Variants in PRLR observed in about 807,000 individuals in gnomAD.
The protein encoded by PRLR is prolactin receptor, also known as hPRL receptor.
A neutral mutation model predicts 40.2 loss-of-function variants in PRLR; 13 were observed. The observed-to-expected ratio is 0.32, with a 90% CI of 0.21 to 0.51. PRLR has a LOEUF of 0.51. PRLR is among the 20% of genes least tolerant of loss of function. The probability of loss-of-function intolerance (pLI) is 0.97; values close to 1 mark genes in which losing one functional copy is unlikely to be tolerated. For missense variants in PRLR, 656 were observed against 747.3 expected, an observed-to-expected ratio of 0.88 and a Z score of 1.42; for synonymous variants, 269 against 278.7, an observed-to-expected ratio of 0.97 and a Z score of 0.35.
At position 35,058,334 on chromosome 5, in the gene PRLR, G is replaced by C. The variant is rs996781320; in HGVS notation, c.*6755C>G. 1.3e-5 allele frequency: 2 copies of C among 152,162 alleles called. No homozygotes were observed. The highest frequency in any genetic ancestry group is 4.8e-5 in the African/African-American group (2 of 41,452). 9.4% of individuals were successfully genotyped at this position (152,162 alleles called of 1,614,324 possible). On this transcript the variant is annotated 3_prime_UTR_variant, in exon 10 of 10. Coordinates refer to ENST00000618457, the MANE Select transcript of PRLR (RefSeq NM_000949.7). ...TACAGAAGACACAGTCACCCAACAG[G>C]CTGGTTCTAGATTGCTTTGGTTTCC...
At chr5:35,077,110 A>G (rs1418274820) in intron 5 of PRLR, among the ~76,000 whole-genome samples, 1 of 152,240 alleles carries the variant, frequency 6.6e-6, no homozygotes. Context: ...TGCAAAGACC[A>G]TCAATGCTAG....
intron 4 of PRLR, 113 bp from the exon 5 acceptor site, chr5:35,084,752 A>AC: frequency 1.0e-6 from 1 of 979,296 alleles, no homozygotes; most frequent in East Asian, 2.9e-5. Context: ...CAAGCGCAAA[A>AC]CCCAGAGCTG....
At chr5:35,226,112 G>A (rs1579822012) in intron 1 of PRLR, among the ~76,000 whole-genome samples, 1 of 152,212 alleles carries the variant, frequency 6.6e-6, no homozygotes, top group African/African-American at 2.4e-5. Context: ...AGTGGCTACT[G>A]TATTGGACAG....
At chr5:35,123,457 T>C (rs1773357699) in intron 1 of PRLR, among the ~76,000 whole-genome samples, 1 of 152,218 alleles carries the variant, frequency 6.6e-6, no homozygotes, top group African/African-American at 2.4e-5. Context: ...TGAGTCCTAG[T>C]TATTCATGTA....
At chr5:35,214,487 T>A (rs975578224) in intron 1 of PRLR, among the ~76,000 whole-genome samples, 1 of 152,090 alleles carries the variant, frequency 6.6e-6, no homozygotes, top group African/African-American at 2.4e-5. Flanking sequence ...AGATGAGAAG[T>A]TTCTCAACCA....
chr5:35,116,737 G>A (rs183314813), intron 2 of PRLR, among the ~76,000 whole-genome samples: 3 of 152,308 alleles, frequency 2.0e-5, no homozygotes, highest in African/African-American at 7.2e-5. Flanking sequence ...CTCCTGGGCA[G>A]GGCTATTATG....
rs780563899 is a variant in PRLR at position 35,070,146 on chromosome 5, C to G, written c.663G>C (p.Ala221=). ...DHGYWSAWSP[A]TFIQIPSDFT... ...CACCACTAGGTATCTGAATGAAGGT[C>G]GCTGGACTCCATGCACTCCAGTATC... Residue 221 remains alanine, a synonymous_variant, in exon 7 of 10, where the codon GCG becomes GCC. Transcript: ENST00000618457. The G allele has an allele frequency of 2.5e-6, 4 of 1,613,120 alleles. No homozygotes were observed. The highest frequency in any genetic ancestry group is 3.4e-6 in the Non-Finnish European group (4 of 1,179,872).
chr5:35,110,023 A>G (rs1028686902), intron 2 of PRLR, among the ~76,000 whole-genome samples: 3 of 152,198 alleles, frequency 2.0e-5, no homozygotes, highest in Non-Finnish European at 2.9e-5. Flanking sequence ...TACACCATGG[A>G]ATACTATGCA....
intron 5 of PRLR, among the ~76,000 whole-genome samples, chr5:35,080,073 A>G (rs1770400491): frequency 6.6e-6 from 1 of 152,200 alleles, no homozygotes; most frequent in Admixed American, 6.5e-5. Flanking sequence ...TAGACCTAAA[A>G]CCATAAAAAA....
chr5:35,135,601 AG>A (rs1773831835), intron 1 of PRLR: 1 of 152,308 alleles, frequency 6.6e-6, no homozygotes, highest in South Asian at 2.1e-4. Context: ...TAGGCTTCTG[AG>A]GGTCTACATG....
chr5:35,146,821 G>A (rs1774194159), intron 1 of PRLR, among the ~76,000 whole-genome samples: 1 of 151,662 alleles, frequency 6.6e-6, no homozygotes, highest in Non-Finnish European at 1.5e-5. Context: ...CTCTTATTTA[G>A]CCCTCTAAAC....
At chr5:35,166,592 T>C (rs956375993) in intron 1 of PRLR, among the ~76,000 whole-genome samples, 2 of 152,168 alleles carry the variant, frequency 1.3e-5, no homozygotes, top group Non-Finnish European at 2.9e-5. Context: ...GAATACATTA[T>C]TGCAGATGTT....
intron 1 of PRLR, among the ~76,000 whole-genome samples, chr5:35,204,653 A>G (rs1485250485): frequency 6.6e-6 from 1 of 152,226 alleles, no homozygotes; most frequent in African/African-American, 2.4e-5. Flanking sequence ...GAGAATCAAA[A>G]GATTTTTTAA....
chr5:35,189,913 T>G (rs554997099), intron 1 of PRLR, among the ~76,000 whole-genome samples: 1 of 152,186 alleles, frequency 6.6e-6, no homozygotes, highest in African/African-American at 2.4e-5. Context: ...CGCACAGCTT[T>G]GGGGCAGCAG....
intron 5 of PRLR, among the ~76,000 whole-genome samples, chr5:35,075,529 A>G (rs933673621): frequency 2.6e-5 from 4 of 152,142 alleles, no homozygotes; most frequent in Admixed American, 2.6e-4. Flanking sequence ...ATTGTAAACA[A>G]AGTGGCCAGG....
rs1554039739 is a variant in PRLR, at chr5:35,062,531, T to TGG, written c.*2557_*2558insCC. 3.3e-5 allele frequency: 5 copies of TGG among 151,760 alleles called. No homozygotes were observed. Among genetic ancestry groups the TGG allele is most frequent in the Non-Finnish European group, 7.4e-5 (5 of 67,954 alleles). 9.4% of individuals were successfully genotyped at this position (151,760 alleles called of 1,614,324 possible). On this transcript the variant is annotated 3_prime_UTR_variant, in exon 10 of 10. Coordinates refer to ENST00000618457, the MANE Select transcript of PRLR (RefSeq NM_000949.7). ...AAGTCTTGGCCTAATGAGTGGCTAATTGTTTTTTAGGGATTTAATTCAAGT... is the reference window on the plus strand; with the variant it reads ...AAGTCTTGGCCTAATGAGTGGCTAATGGTGTTTTTTAGGGATTTAATTCAAGT...
At position 35,056,722 on chromosome 5, in the gene PRLR, T is replaced by G. The variant is rs1443460095; in HGVS notation, c.*8367A>C. ...GTCTGGTGACTGAGACTTCAAATTT[T>G]GCACCTTAAAAATATAAGAGGGCCC... On this transcript the variant is annotated 3_prime_UTR_variant, in exon 10 of 10. Transcript: ENST00000618457. 1 of 152,186 alleles carries G rather than the reference T, an allele frequency of 6.6e-6. No homozygotes were observed. Among genetic ancestry groups the G allele is most frequent in the Non-Finnish European group, 1.5e-5 (1 of 68,022 alleles). The allele number at this position is 152,186 out of a possible 1,614,324, so 9.4% of individuals were successfully genotyped here. A position where few individuals can be genotyped will look rare whatever the true frequency, so the allele number is the denominator to read the frequency against.
At chr5:35,118,567 T>C (rs1579691732) in intron 1 of PRLR, among the ~76,000 whole-genome samples, 1 of 152,202 alleles carries the variant, frequency 6.6e-6, no homozygotes, top group Non-Finnish European at 1.5e-5. Flanking sequence ...ATCGACACAG[T>C]ATTATTACCT....
chr5:35,174,323 C>T (rs959669461), intron 1 of PRLR, among the ~76,000 whole-genome samples: 4 of 152,196 alleles, frequency 2.6e-5, no homozygotes, highest in Non-Finnish European at 5.9e-5. Context: ...CTCCTGAGCT[C>T]AGGCAATCCA....
Sources: allele counts gnomAD v4.1 joint callset (sites outside exome capture counted in the v4.1 genomes callset), GRCh38; gene constraint gnomAD v4.1.1; transcripts MANE v1.5; gene names NCBI Gene and HGNC (gene_info 2026-07-23, HGNC 2026-07-21).